Variants in FBXO16 observed in about 807,000 individuals in gnomAD.
The protein encoded by FBXO16 is F-box only protein 16.
A neutral mutation model predicts 41.0 loss-of-function variants in FBXO16; 31 were observed. The ratio of observed to expected loss-of-function variants is 0.76; its 90% CI spans 0.57 to 1.02. The LOEUF is 1.02. FBXO16 is among the 50% of genes least tolerant of loss of function. FBXO16 has a pLI of 0.00. For synonymous variants in FBXO16, 133 were observed against 117.8 expected (o/e 1.13, Z -0.84); for missense variants, 361 against 346.2 (o/e 1.04, Z -0.34).
At chr8:28,453,994 T>C (rs1335080840) in intron 5 of FBXO16, among the ~76,000 whole-genome samples, 1 of 151,864 alleles carries the variant, frequency 6.6e-6, no homozygotes. Context: ...TGAAACCCCG[T>C]CTCTACGGAA....
At chr8:28,488,044 G>A (rs1418614747) in intron 1 of FBXO16, among the ~76,000 whole-genome samples, 1 of 151,434 alleles carries the variant, frequency 6.6e-6, no homozygotes, top group East Asian at 2.0e-4. Flanking sequence ...GTAGAGATGG[G>A]GTTTCACTAT....
chr8:28,461,678 C>A (rs1381459113), intron 4 of FBXO16, among the ~76,000 whole-genome samples: 2 of 151,858 alleles, frequency 1.3e-5, no homozygotes, highest in African/African-American at 2.4e-5. Context: ...CGTTCTGTTC[C>A]ATGAAGAATA....
intron 7 of FBXO16, among the ~76,000 whole-genome samples, chr8:28,429,652 ATCTC>A (rs947035847): frequency 6.6e-6 from 1 of 151,324 alleles, no homozygotes; most frequent in Non-Finnish European, 1.5e-5. Flanking sequence ...TCCTTGTCAC[ATCTC>A]TCTAACACCG....
chr8:28,489,375 A>G (rs1160569413), intron 1 of FBXO16, among the ~76,000 whole-genome samples: 1 of 151,992 alleles, frequency 6.6e-6, no homozygotes, highest in African/African-American at 2.4e-5. Flanking sequence ...CACCACCACC[A>G]CAATTTGTAG....
At chr8:28,473,658 G>A (rs1347524125) in intron 3 of FBXO16, 114 bp downstream of exon 3, 1 of 889,438 alleles carries the variant, frequency 1.1e-6, no homozygotes, top group Non-Finnish European at 1.8e-6. Flanking sequence ...TATCCAAGTT[G>A]AGTAAAATAT....
rs571177425 is a variant in FBXO16, at chr8:28,483,885, G to A, written c.-16-423C>T. Among the ~76,000 whole-genome samples, 361 of 152,286 alleles carry A rather than the reference G, an allele frequency of 2.4e-3. 3 individuals are homozygous for A. Among genetic ancestry groups the A allele is most frequent in the African/African-American group, 8.5e-3 (353 of 41,566 alleles). Reference sequence around the variant, plus strand: ...CATATAATTTTTTAGCATGTTGGCAGAGGGAATGCGGTGGGAAGAGCATTT... The same window carrying A: ...CATATAATTTTTTAGCATGTTGGCAAAGGGAATGCGGTGGGAAGAGCATTT... On this transcript the variant is annotated intron_variant, in intron 1 of 8. Transcript: ENST00000380254.
intron 6 of FBXO16, among the ~76,000 whole-genome samples, chr8:28,448,594 A>C (rs1802903682): frequency 6.6e-6 from 1 of 152,232 alleles, no homozygotes; most frequent in African/African-American, 2.4e-5. Context: ...GAGTTACTTC[A>C]TGTGAATTTA....
At chr8:28,458,208 T>G (rs1220850707) in intron 4 of FBXO16, among the ~76,000 whole-genome samples, 1 of 152,220 alleles carries the variant, frequency 6.6e-6, no homozygotes, top group Non-Finnish European at 1.5e-5. Context: ...TATTACTCTC[T>G]GCCTCCCTCC....
At chr8:28,454,711 G>C (rs1289503886) in intron 5 of FBXO16, among the ~76,000 whole-genome samples, 1 of 118,400 alleles carries the variant, frequency 8.4e-6, no homozygotes, top group Non-Finnish European at 1.6e-5. Context: ...CTGGGCGACA[G>C]AGCAAGACTC....
At chr8:28,453,990 C>T (rs992119273) in intron 5 of FBXO16, among the ~76,000 whole-genome samples, 3 of 151,774 alleles carry the variant, frequency 2.0e-5, no homozygotes, top group African/African-American at 2.4e-5. Context: ...ATGGTGAAAC[C>T]CCGTCTCTAC....
chr8:28,479,101 G>A (rs1803472238), intron 2 of FBXO16, among the ~76,000 whole-genome samples: 1 of 152,092 alleles, frequency 6.6e-6, no homozygotes, highest in South Asian at 2.1e-4. Context: ...ATGCCATTAT[G>A]TTTCCTGCAC....
intron 4 of FBXO16, among the ~76,000 whole-genome samples, chr8:28,459,627 A>AATAATAATC (rs1296557419): frequency 1.1e-5 from 1 of 94,048 alleles, no homozygotes; most frequent in East Asian, 2.3e-4. Flanking sequence ...TCTCAAAAAT[A>AATAATAATC]ATAATAATAA....
At chr8:28,434,699 G>A (rs1368033671) in intron 7 of FBXO16, among the ~76,000 whole-genome samples, 7 of 152,112 alleles carry the variant, frequency 4.6e-5, no homozygotes, top group East Asian at 1.9e-4. Flanking sequence ...GATTTTTCTC[G>A]GCCCCTTTGC....
At chr8:28,434,277 G>A (rs1563356513) in intron 7 of FBXO16, among the ~76,000 whole-genome samples, 1 of 152,040 alleles carries the variant, frequency 6.6e-6, no homozygotes, top group Non-Finnish European at 1.5e-5. Flanking sequence ...TGATTTTTTT[G>A]TTTGTTGTCC....
At chr8:28,484,150 A>G (rs1803562822) in intron 1 of FBXO16, among the ~76,000 whole-genome samples, 1 of 152,200 alleles carries the variant, frequency 6.6e-6, no homozygotes, top group African/African-American at 2.4e-5. Flanking sequence ...ACTCCTAGCT[A>G]AGGACATACT....
In FBXO16 at chr8:28,456,761, T is replaced by C. The variant is rs369301595; in HGVS notation, c.507+5A>G. Reference sequence around the variant, plus strand: ...CAAGCTTGTGGCTTTCTGTCTAAAATTCACCTTAGGCTTGGTAATATGAAG... The same window carrying C: ...CAAGCTTGTGGCTTTCTGTCTAAAACTCACCTTAGGCTTGGTAATATGAAG... On this transcript the variant is annotated splice_donor_5th_base_variant and intron_variant, in intron 5 of 8. Transcript: ENST00000380254. 3 of 1,612,556 alleles carry C rather than the reference T, an allele frequency of 1.9e-6. No homozygotes were observed. Among genetic ancestry groups the C allele is most frequent in the Non-Finnish European group, 2.5e-6 (3 of 1,179,172 alleles).
At chr8:28,490,119 T>C (rs1803667427) in intron 1 of FBXO16, 67 bp downstream of exon 1, 1 of 152,172 alleles carries the variant, frequency 6.6e-6, no homozygotes, top group African/African-American at 2.4e-5. Flanking sequence ...ATAAAGCTCA[T>C]GGGAGGCCCT....
chr8:28,460,086 C>A (rs1438715217), intron 4 of FBXO16, among the ~76,000 whole-genome samples: 3 of 151,180 alleles, frequency 2.0e-5, no homozygotes, highest in African/African-American at 7.3e-5. Context: ...ATACCAAATT[C>A]AAAGAAACAA....
chr8:28,454,622 G>A (rs937740630), intron 5 of FBXO16, among the ~76,000 whole-genome samples: 4 of 150,742 alleles, frequency 2.7e-5, no homozygotes, highest in African/African-American at 9.9e-5. Context: ...CAGCTACTCA[G>A]GAGGCTGAGG....
Sources: gnomAD v4.1 joint callset for allele counts (sites outside exome capture counted in the v4.1 genomes callset) on GRCh38, gnomAD v4.1.1 for gene constraint, MANE v1.5 for transcripts, NCBI Gene and HGNC (gene_info 2026-07-23, HGNC 2026-07-21) for gene names.